Variants in PRORP observed in about 807,000 individuals in gnomAD.
The protein encoded by PRORP is protein only RNase P catalytic subunit.
PRORP carries 51 observed loss-of-function variants against 59.4 expected under a neutral mutation model. That is an observed-to-expected ratio of 0.86 (90% CI 0.69 to 1.08). The LOEUF is 1.08. Ranked by LOEUF, PRORP falls within the 50% of genes least tolerant of loss-of-function variation. PRORP has a pLI of 0.00. For missense variants in PRORP, 646 were observed against 690.3 expected (o/e 0.94, Z 0.72); for synonymous variants, 231 against 245.6 (o/e 0.94, Z 0.55).
chr14:35,215,154 A>G (rs1196465648), intron 5 of PRORP, among the ~76,000 whole-genome samples: 1 of 152,204 alleles, frequency 6.6e-6, no homozygotes. Context: ...TTATAAGGAG[A>G]TAATGAGGAG....
Position 35,139,954 on chromosome 14 carries a change from T to C in PRORP, c.1167+12343T>C, listed in dbSNP as rs1313860190. ...TAGCTGCATCACTCCATTCTCTGCG[T>C]CTGTCTTCATGTGGCCTTTGTGTGT... On this transcript the variant is annotated intron_variant, in intron 4 of 7. Coordinates refer to ENST00000534898, the MANE Select transcript of PRORP (RefSeq NM_014672.4). 3.4e-5 allele frequency among the ~76,000 whole-genome samples: 5 copies of C among 145,638 alleles called. 2 individuals are homozygous for C. The highest frequency in any genetic ancestry group is 7.6e-5 in the Non-Finnish European group (5 of 65,500).
chr14:35,266,693 T>G, intron 5 of PRORP, 34 bp from the exon 6 acceptor site: 1 of 1,609,186 alleles, frequency 6.2e-7, no homozygotes. Flanking sequence ...AGTCTTCCCT[T>G]GAACTTTTGT....
At chr14:35,208,650 A>G (rs1320341699) in intron 5 of PRORP, among the ~76,000 whole-genome samples, 1 of 152,090 alleles carries the variant, frequency 6.6e-6, no homozygotes, top group Non-Finnish European at 1.5e-5. Context: ...CAGGCAGCTC[A>G]TTTGAGGTCA....
At chr14:35,265,403 T>A (rs2051014566) in intron 5 of PRORP, among the ~76,000 whole-genome samples, 1 of 152,230 alleles carries the variant, frequency 6.6e-6, no homozygotes, top group East Asian at 1.9e-4. Flanking sequence ...GTTTAATAGG[T>A]GGTACATAAA....
Position 35,174,321 on chromosome 14 carries a change from A to C in PRORP, c.1168-6349A>C, listed in dbSNP as rs180922128. On this transcript the variant is annotated intron_variant, in intron 4 of 7. Transcript: ENST00000534898. ...TCTAGAATTTATATTATTATCTAGTAGTCCAGTACAAACTATTCCATCATT... is the reference window on the plus strand; with the variant it reads ...TCTAGAATTTATATTATTATCTAGTCGTCCAGTACAAACTATTCCATCATT... Among the ~76,000 whole-genome samples, 639 of 152,246 alleles carry C rather than the reference A, an allele frequency of 4.2e-3. 9 individuals are homozygous for C. The highest frequency in any genetic ancestry group is 0.014 in the African/African-American group (600 of 41,542).
chr14:35,209,862 C>G (rs1402415285), intron 5 of PRORP, among the ~76,000 whole-genome samples: 1 of 152,152 alleles, frequency 6.6e-6, no homozygotes, highest in Non-Finnish European at 1.5e-5. Context: ...CATATGTGCT[C>G]AGTTGAGTTA....
chr14:35,184,821 A>C (rs2048703639), intron 5 of PRORP, among the ~76,000 whole-genome samples: 1 of 152,166 alleles, frequency 6.6e-6, no homozygotes, highest in African/African-American at 2.4e-5. Flanking sequence ...AATAGCCTCC[A>C]TCTCCATCCA....
chr14:35,132,543 G>C, intron 4 of PRORP, among the ~76,000 whole-genome samples: 1 of 152,060 alleles, frequency 6.6e-6, no homozygotes, highest in East Asian at 1.9e-4. Context: ...AGCACTTTGG[G>C]AGGCCGAGGT....
intron 5 of PRORP, among the ~76,000 whole-genome samples, chr14:35,259,879 C>T (rs950530477): frequency 9.9e-5 from 15 of 151,680 alleles, no homozygotes; most frequent in Admixed American, 7.2e-4. Flanking sequence ...TGGCGGACAG[C>T]GAGATTCTGT....
chr14:35,154,448 G>C (rs981704151), intron 4 of PRORP, among the ~76,000 whole-genome samples: 1 of 152,134 alleles, frequency 6.6e-6, no homozygotes, highest in South Asian at 2.1e-4. Context: ...TTTAGCTATA[G>C]GTTGAAATTT....
At chr14:35,265,177 G>A (rs1255883434) in intron 5 of PRORP, among the ~76,000 whole-genome samples, 1 of 152,016 alleles carries the variant, frequency 6.6e-6, no homozygotes, top group Non-Finnish European at 1.5e-5. Context: ...CTACAGAGGA[G>A]GAACTTATGA....
At chr14:35,272,214 A>T (rs2051211578) in intron 7 of PRORP, among the ~76,000 whole-genome samples, 1 of 152,234 alleles carries the variant, frequency 6.6e-6, no homozygotes. Flanking sequence ...ATATAAGGTA[A>T]TGCTCATGTT....
At chr14:35,235,264 C>A in intron 5 of PRORP, 1 of 699,040 alleles carries the variant, frequency 1.4e-6, no homozygotes, top group South Asian at 1.4e-5. Flanking sequence ...CATTGCCTCC[C>A]TAGTGATGGC....
At chr14:35,147,882 T>A (rs1245395404) in intron 4 of PRORP, among the ~76,000 whole-genome samples, 1 of 152,244 alleles carries the variant, frequency 6.6e-6, no homozygotes, top group African/African-American at 2.4e-5. Context: ...GGAGTGAGTT[T>A]TATTTCAAGA....
intron 4 of PRORP, among the ~76,000 whole-genome samples, chr14:35,131,709 A>G (rs1566445360): frequency 2.0e-5 from 3 of 151,520 alleles, no homozygotes. Flanking sequence ...TTATATTTTT[A>G]GTAGAGACAG....
At chr14:35,186,655 C>T (rs1408407358) in intron 5 of PRORP, among the ~76,000 whole-genome samples, 1 of 150,704 alleles carries the variant, frequency 6.6e-6, no homozygotes, top group East Asian at 2.0e-4. Context: ...GGTAAGGGTG[C>T]AGTCATATCT....
intron 4 of PRORP, among the ~76,000 whole-genome samples, chr14:35,142,525 TA>T (rs71435859): frequency 0.68 from 90,681 of 133,338 alleles, 34,268 homozygotes; most frequent in Non-Finnish European, 0.8. Context: ...ATTTTTAAAT[TA>T]AAAAAAAAAA....
chr14:35,234,495 G>T (rs1236676889), intron 5 of PRORP, among the ~76,000 whole-genome samples: 1 of 152,038 alleles, frequency 6.6e-6, no homozygotes, highest in Non-Finnish European at 1.5e-5. Flanking sequence ...TCATTTATAT[G>T]ATGCAGTAAG....
chr14:35,260,169 C>T (rs2050868771), intron 5 of PRORP, among the ~76,000 whole-genome samples: 1 of 151,590 alleles, frequency 6.6e-6, no homozygotes, highest in Admixed American at 6.6e-5. Flanking sequence ...ACACCACCAT[C>T]CCCAACTAAT....
Sources: gnomAD v4.1 joint callset for allele counts (sites outside exome capture counted in the v4.1 genomes callset) on GRCh38, gnomAD v4.1.1 for gene constraint, MANE v1.5 for transcripts, NCBI Gene and HGNC (gene_info 2026-07-23, HGNC 2026-07-21) for gene names.